KCNS3: variants seen among roughly 807,000 people sequenced by gnomAD.
The protein encoded by KCNS3 is delayed-rectifier potassium channel regulatory subunit KCNS3.
A neutral mutation model predicts 31.0 loss-of-function variants in KCNS3; 13 were observed. The observed-to-expected ratio is 0.42, with a 90% confidence interval of 0.27 to 0.67. KCNS3 has a LOEUF of 0.67. Ranked by LOEUF, KCNS3 falls within the 30% of genes least tolerant of loss-of-function variation. The pLI is 0.25. For synonymous variants in KCNS3, 238 were observed against 241.5 expected (o/e 0.99, Z 0.13); for missense variants, 545 against 622.4 (o/e 0.88, Z 1.32).
rs1041453024 is a variant in KCNS3, at chr2:17,931,103, C to T, written c.95C>T (p.Thr32Ile). The T allele has an allele frequency of 5.0e-6, 8 of 1,614,092 alleles. No individual in the cohort carries two copies. In the African/African-American group the frequency reaches 9.3e-5, roughly 19 times the overall value. ...GGFKQSVDQS[T>I]LLRFPHTRLG... ...TTTAAGCAGTCTGTTGACCAAAGCACCCTCCTGCGGTTTCCTCACACCAGA... is the reference window on the plus strand; with the variant it reads ...TTTAAGCAGTCTGTTGACCAAAGCATCCTCCTGCGGTTTCCTCACACCAGA... The change falls in exon 3 of 3, where the codon ACC (threonine) becomes ATC (isoleucine). Residue 32 changes from threonine (T) to isoleucine (I), a missense_variant. Physicochemically the swap from Thr to Ile is moderately conservative, Grantham distance 89. Coordinates refer to ENST00000304101, the MANE Select transcript of KCNS3 (RefSeq NM_002252.5). This position sits in a 1 kb window ranked among gnomAD's most constrained non-coding sequence, Gnocchi z 5.4.
chr2:17,902,454 A>G (rs982340662), intron 1 of KCNS3, among the ~76,000 whole-genome samples: 2 of 152,126 alleles, frequency 1.3e-5, no homozygotes, highest in African/African-American at 4.8e-5. Context: ...CTTGACTTAC[A>G]TTTGATAAGA....
At chr2:17,890,916 G>A (rs779611685) in intron 1 of KCNS3, among the ~76,000 whole-genome samples, 1 of 152,254 alleles carries the variant, frequency 6.6e-6, no homozygotes, top group East Asian at 1.9e-4. Context: ...TGGATGAAAT[G>A]TTCTGTATAT....
chr2:17,911,970 T>C (rs1404500158), intron 1 of KCNS3, among the ~76,000 whole-genome samples: 1 of 152,218 alleles, frequency 6.6e-6, no homozygotes. Flanking sequence ...CCAGACTTAG[T>C]ATAAGGAAGC....
intron 1 of KCNS3, chr2:17,879,466 G>A (rs1390523365): frequency 6.6e-6 from 1 of 152,318 alleles, no homozygotes; most frequent in East Asian, 1.9e-4. Context: ...GCGCAGGTGT[G>A]GAGTCACTTG....
intron 2 of KCNS3, among the ~76,000 whole-genome samples, chr2:17,920,938 G>T (rs1358287550): frequency 2.0e-5 from 3 of 152,122 alleles, no homozygotes; most frequent in African/African-American, 7.2e-5. Flanking sequence ...AGAGTCTGCC[G>T]CATAAAAGGT....
chr2:17,881,857 G>A (rs1199634642), intron 1 of KCNS3, among the ~76,000 whole-genome samples: 1 of 152,192 alleles, frequency 6.6e-6, no homozygotes, highest in African/African-American at 2.4e-5. Flanking sequence ...GAATCTCAAA[G>A]ACTGCGTTAG....
intron 1 of KCNS3, among the ~76,000 whole-genome samples, chr2:17,890,273 C>T (rs1294418347): frequency 2.6e-5 from 4 of 152,094 alleles, no homozygotes; most frequent in Non-Finnish European, 5.9e-5. Context: ...TGTAATATTT[C>T]CTGCTTCGTT....
At chr2:17,888,627 A>AAG (rs35481319) in intron 1 of KCNS3, among the ~76,000 whole-genome samples, 2 of 57,722 alleles carry the variant, frequency 3.5e-5, no homozygotes, top group Admixed American at 2.1e-4. Context: ...AATAAAAAAA[A>AAG]TGTATATATA....
chr2:17,898,090 G>A (rs972615481), intron 1 of KCNS3, among the ~76,000 whole-genome samples: 4 of 152,100 alleles, frequency 2.6e-5, no homozygotes, highest in Non-Finnish European at 5.9e-5. Context: ...TGTTGACTTT[G>A]TTGAAGATCA....
At chr2:17,892,894 T>C (rs531186667) in intron 1 of KCNS3, among the ~76,000 whole-genome samples, 7 of 152,296 alleles carry the variant, frequency 4.6e-5, no homozygotes, top group Non-Finnish European at 7.4e-5. Flanking sequence ...TAATGCTCTA[T>C]TTTTTTACTG....
chr2:17,903,214 A>C (rs1457935798), intron 1 of KCNS3, among the ~76,000 whole-genome samples: 5 of 152,190 alleles, frequency 3.3e-5, no homozygotes, highest in Admixed American at 2.0e-4. Context: ...TCAGCAAATA[A>C]ATTGTTAAGA....
chr2:17,909,068 G>GAGGC (rs1433871367), intron 1 of KCNS3, among the ~76,000 whole-genome samples: 1 of 152,236 alleles, frequency 6.6e-6, no homozygotes, highest in East Asian at 1.9e-4. Flanking sequence ...GGAGTCTACA[G>GAGGC]AGGCAGGCAG....
At chr2:17,878,421 C>T (rs796897692), upstream of KCNS3, among the ~76,000 whole-genome samples, 4 of 151,916 alleles carry the variant, frequency 2.6e-5, no homozygotes, top group South Asian at 4.1e-4. Flanking sequence ...TGGGCGGGGG[C>T]GCGCGGCCGG....
intron 1 of KCNS3, among the ~76,000 whole-genome samples, chr2:17,880,031 C>A (rs184968986): frequency 6.6e-6 from 1 of 152,212 alleles, no homozygotes; most frequent in African/African-American, 2.4e-5. Flanking sequence ...TTTCCTGTTT[C>A]TTTCCCTGTA....
intron 2 of KCNS3, among the ~76,000 whole-genome samples, chr2:17,923,784 G>T (rs1662774898): frequency 6.6e-6 from 1 of 151,578 alleles, no homozygotes; most frequent in Non-Finnish European, 1.5e-5. Context: ...CAATCAAAAA[G>T]CCCATATGGG....
intron 1 of KCNS3, among the ~76,000 whole-genome samples, chr2:17,903,398 G>A (rs1256881192): frequency 6.6e-6 from 1 of 151,810 alleles, no homozygotes; most frequent in Non-Finnish European, 1.5e-5. Flanking sequence ...AAATGCTGTG[G>A]ATTAAAAATA....
intron 1 of KCNS3, among the ~76,000 whole-genome samples, chr2:17,917,192 AT>A (rs1662610740): frequency 6.6e-6 from 1 of 152,206 alleles, no homozygotes; most frequent in Non-Finnish European, 1.5e-5. Flanking sequence ...GCAAAATTGA[AT>A]TTGGCCAGCC....
At chr2:17,902,183 G>A (rs1662191398) in intron 1 of KCNS3, among the ~76,000 whole-genome samples, 1 of 152,328 alleles carries the variant, frequency 6.6e-6, no homozygotes, top group African/African-American at 2.4e-5. Context: ...AGATTGGGAA[G>A]TGTCCTTTCG....
chr2:17,903,829 T>G (rs1662247190), intron 1 of KCNS3, among the ~76,000 whole-genome samples: 1 of 152,210 alleles, frequency 6.6e-6, no homozygotes, highest in Non-Finnish European at 1.5e-5. Flanking sequence ...GGTGTATATG[T>G]GCCACATTTT....
Sources: gnomAD v4.1 joint callset for allele counts (sites outside exome capture counted in the v4.1 genomes callset) on GRCh38, gnomAD v4.1.1 for gene constraint, Gnocchi (gnomAD v3.1) non-coding constraint, MANE v1.5 for transcripts, NCBI Gene and HGNC (gene_info 2026-07-23, HGNC 2026-07-21) for gene names.